Variants in LRRC37A observed in about 807,000 individuals in gnomAD.
The protein encoded by LRRC37A is leucine rich repeat containing 37A.
A neutral mutation model predicts 35.4 loss-of-function variants in LRRC37A; 3 were observed. The ratio of observed to expected loss-of-function variants is 0.08; its 90% CI spans 0.04 to 0.22. The LOEUF (loss-of-function observed/expected upper bound fraction) is 0.22, where lower values mean the gene tolerates loss of function less well. LRRC37A is among the 10% of genes least tolerant of loss of function. The pLI is 1.00. For missense variants in LRRC37A, 67 were observed against 565.3 expected (o/e 0.12, Z 8.94); for synonymous variants, 23 against 215.0 (o/e 0.11, Z 7.81).
the LRRC37A span, chr17:46,259,762 G>T: frequency 3.6e-4 from 568 of 1,560,932 alleles, 2 homozygotes; most frequent in Non-Finnish European, 4.6e-4. Context: ...GTGCCAGCCA[G>T]CAGGTCCTAT....
chr17:46,284,562 C>T, the LRRC37A span, among the ~76,000 whole-genome samples: 1 of 152,250 alleles, frequency 6.6e-6, no homozygotes, highest in Non-Finnish European at 1.5e-5. Flanking sequence ...ACAATCTGAT[C>T]TCTCTTTCTT....
At chr17:46,289,371 G>C (rs1165686800), upstream of LRRC37A, among the ~76,000 whole-genome samples, 1 of 130,700 alleles carries the variant, frequency 7.7e-6, no homozygotes, top group Non-Finnish European at 1.9e-5. Flanking sequence ...ATGGAGTCTT[G>C]CTGTGTTGCC....
At chr17:46,276,790 C>CTTTTTTTTTTTTTTTTTTTTTTTTTTTT in the LRRC37A span, among the ~76,000 whole-genome samples, 1 of 134,320 alleles carries the variant, frequency 7.4e-6, no homozygotes, top group Non-Finnish European at 1.6e-5. Flanking sequence ...TTCTTTTTTT[C>CTTTTTTTTTTTTTTTTTTTTTTTTTTTT]TTTTTTTTTT....
chr17:46,261,594 A>G, the LRRC37A span, among the ~76,000 whole-genome samples: 146,818 of 152,160 alleles, frequency 0.96, 71,051 homozygotes, highest in East Asian at 1. Flanking sequence ...TGTATTTTTA[A>G]TAGAGATGGG....
the LRRC37A span, chr17:46,274,986 G>A: frequency 0.11 from 16,395 of 146,660 alleles, 1 homozygote; most frequent in Middle Eastern, 0.19. Context: ...TCTGCCTCCC[G>A]GGTTCCAGCG....
At chr17:46,281,717 C>T in the LRRC37A span, among the ~76,000 whole-genome samples, 2 of 152,076 alleles carry the variant, frequency 1.3e-5, no homozygotes, top group Admixed American at 6.6e-5. Context: ...GATCTTGGCA[C>T]ACTGCAACCT....
At chr17:46,257,540 A>G in the LRRC37A span, among the ~76,000 whole-genome samples, 1 of 151,716 alleles carries the variant, frequency 6.6e-6, no homozygotes, top group South Asian at 2.1e-4. Flanking sequence ...TGGGCCAGGC[A>G]TAGTGGCTCA....
In LRRC37A at chr17:46,333,267, C is replaced by A. The variant is rs562987666; in HGVS notation, c.4809+611C>A. On this transcript the variant is annotated intron_variant, in intron 10 of 13. Transcript: ENST00000320254. Reference sequence around the variant, plus strand: ...ATACTCTAGCCCTCCTGAGCCTATACCCTCTGTGAGATGTGTCACCATTTC... The same window carrying A: ...ATACTCTAGCCCTCCTGAGCCTATAACCTCTGTGAGATGTGTCACCATTTC... Among the ~76,000 whole-genome samples the A allele has an allele frequency of 2.9e-4, 17 of 59,364 alleles. 3 individuals carry two copies. Among genetic ancestry groups the A allele is most frequent in the African/African-American group, 5.5e-4 (17 of 30,912 alleles). The allele number at this position is 59,364 out of a possible 152,430, so 38.9% of individuals were successfully genotyped here.
the LRRC37A span, among the ~76,000 whole-genome samples, chr17:46,282,659 C>G: frequency 1.1e-4 from 16 of 151,120 alleles, no homozygotes; most frequent in African/African-American, 3.2e-4. Flanking sequence ...TGGCTTCAAG[C>G]TATTCTCCCC....
chr17:46,277,652 T>C, the LRRC37A span, among the ~76,000 whole-genome samples: 2 of 151,148 alleles, frequency 1.3e-5, no homozygotes, highest in Non-Finnish European at 2.9e-5. Flanking sequence ...TTTCTTTCTT[T>C]CTTTTTTTTT....
the LRRC37A span, among the ~76,000 whole-genome samples, chr17:46,273,619 T>G: frequency 6.6e-6 from 1 of 152,236 alleles, no homozygotes; most frequent in Non-Finnish European, 1.5e-5. Context: ...TAATATGAGT[T>G]AGAATAAAAT....
chr17:46,252,815 T>TC, the LRRC37A span, among the ~76,000 whole-genome samples: 1 of 152,126 alleles, frequency 6.6e-6, no homozygotes, highest in African/African-American at 2.4e-5. Flanking sequence ...CTCAGTCCTT[T>TC]CCCCACCTTT....
the LRRC37A span, among the ~76,000 whole-genome samples, chr17:46,264,512 A>G: frequency 6.2e-4 from 95 of 152,366 alleles, no homozygotes; most frequent in African/African-American, 2.1e-3. Flanking sequence ...CAACCTGATG[A>G]TAACTTGGCT....
chr17:46,262,391 T>C, the LRRC37A span, among the ~76,000 whole-genome samples: 3 of 151,980 alleles, frequency 2.0e-5, no homozygotes, highest in Non-Finnish European at 2.9e-5. Context: ...TCTTTTTTAA[T>C]TAATAGAGAT....
the LRRC37A span, among the ~76,000 whole-genome samples, chr17:46,255,593 C>T: frequency 0.1 from 15,481 of 151,324 alleles, 1,057 homozygotes; most frequent in Non-Finnish European, 0.15. Flanking sequence ...CTCAAACTCC[C>T]GACCTCAGGT....
At chr17:46,251,458 A>G in the LRRC37A span, among the ~76,000 whole-genome samples, 1 of 152,052 alleles carries the variant, frequency 6.6e-6, no homozygotes, top group Admixed American at 6.6e-5. Context: ...GGGTTTCTCC[A>G]TGTTGGTCAG....
the LRRC37A span, among the ~76,000 whole-genome samples, chr17:46,252,788 C>G: frequency 6.6e-6 from 1 of 152,220 alleles, no homozygotes; most frequent in Non-Finnish European, 1.5e-5. Context: ...TACACAGACA[C>G]GGCAACCATC....
At chr17:46,260,616 TTC>T in the LRRC37A span, 5 of 1,356,672 alleles carry the variant, frequency 3.7e-6, no homozygotes, top group African/African-American at 1.7e-5. Flanking sequence ...TGGCTCTCTA[TTC>T]TCTTTTTTTT....
chr17:46,267,030 G>C, the LRRC37A span: 15 of 205,474 alleles, frequency 7.3e-5, no homozygotes, highest in African/African-American at 3.1e-4. Flanking sequence ...CCGCCGCCGC[G>C]CCTCAGCTTC....
Sources: gnomAD v4.1 joint callset for allele counts (sites outside exome capture counted in the v4.1 genomes callset) on GRCh38, gnomAD v4.1.1 for gene constraint, MANE v1.5 for transcripts, NCBI Gene and HGNC (gene_info 2026-07-23, HGNC 2026-07-21) for gene names.